BMPR1A: variants seen among roughly 807,000 people sequenced by gnomAD.
The protein encoded by BMPR1A is bone morphogenetic protein receptor type-1A.
A neutral mutation model predicts 66.0 loss-of-function variants in BMPR1A; 7 were observed. The ratio of observed to expected loss-of-function variants is 0.11; its 90% CI spans 0.06 to 0.20. The LOEUF is 0.20. Ranked by LOEUF, BMPR1A falls within the 10% of genes least tolerant of loss-of-function variation. The pLI is 1.00. For missense variants in BMPR1A, 408 were observed against 669.1 expected (o/e 0.61, Z 4.31); for synonymous variants, 200 against 229.7 (o/e 0.87, Z 1.17).
chr10:86,895,933 C>T (rs1462000211), intron 5 of BMPR1A, among the ~76,000 whole-genome samples: 3 of 152,214 alleles, frequency 2.0e-5, no homozygotes, highest in Non-Finnish European at 2.9e-5. Context: ...GCAGGTGGAT[C>T]ACCTGAGGTC....
chr10:86,790,180 AAAAAAAAAATATATATATATATAT>A lies in BMPR1A; in HGVS notation c.-268+33263_-268+33286del, dbSNP rs1841585262. On this transcript the variant is annotated intron_variant, in intron 1 of 12. Transcript: ENST00000372037. ...CTGTCTCCAAAAAAAAAAAAAAAAA[AAAAAAAAAATATATATATATATAT>A]ATATATATATATATATATATATATA... Among the ~76,000 whole-genome samples the A allele has an allele frequency of 1.1e-4, 5 of 43,616 alleles. 1 individual carries two copies. The highest frequency in any genetic ancestry group is 1.5e-3 in the South Asian group (2 of 1,316). 28.6% of individuals were successfully genotyped at this position (43,616 alleles called of 152,430 possible). A position where few individuals can be genotyped will look rare whatever the true frequency, so the allele number is the denominator to read the frequency against.
intron 2 of BMPR1A, chr10:86,855,127 T>C: frequency 6.1e-6 from 2 of 325,950 alleles, no homozygotes; most frequent in Non-Finnish European, 1.1e-5. Flanking sequence ...GAGACAGGGT[T>C]TCACATCAGG....
chr10:86,919,637 ACTT>A (rs1843631493), intron 10 of BMPR1A, among the ~76,000 whole-genome samples, 168 bp downstream of exon 10: 2 of 151,260 alleles, frequency 1.3e-5, no homozygotes, highest in African/African-American at 4.9e-5. Flanking sequence ...ATTGTGTCCT[ACTT>A]CTCCTATACA....
At chr10:86,846,608 G>A (rs1407131743) in intron 2 of BMPR1A, among the ~76,000 whole-genome samples, 3 of 152,106 alleles carry the variant, frequency 2.0e-5, no homozygotes, top group Non-Finnish European at 4.4e-5. Flanking sequence ...GGCTGAGGCA[G>A]GAGAATGGCA....
intron 1 of BMPR1A, among the ~76,000 whole-genome samples, chr10:86,807,038 A>T (rs900325257): frequency 6.6e-6 from 1 of 152,038 alleles, no homozygotes; most frequent in Non-Finnish European, 1.5e-5. Context: ...CCATCCCCAG[A>T]ATCAGTCATG....
At chr10:86,780,668 C>T (rs1467420016) in intron 1 of BMPR1A, among the ~76,000 whole-genome samples, 1 of 151,612 alleles carries the variant, frequency 6.6e-6, no homozygotes, top group African/African-American at 2.4e-5. Context: ...TTCCTGACCT[C>T]ATGATCCTCC....
At chr10:86,894,562 C>A (rs138709964) in intron 5 of BMPR1A, among the ~76,000 whole-genome samples, 7 of 152,286 alleles carry the variant, frequency 4.6e-5, no homozygotes, top group Admixed American at 4.6e-4. Context: ...CAGTGTTCAA[C>A]AGGCCCCTAG....
intron 2 of BMPR1A, among the ~76,000 whole-genome samples, chr10:86,850,307 C>T (rs1021124800): frequency 6.8e-6 from 1 of 147,694 alleles, no homozygotes; most frequent in Non-Finnish European, 1.5e-5. Context: ...GGTGACAGAG[C>T]GGACTCCATT....
At chr10:86,918,880 C>T (rs1222703878) in intron 9 of BMPR1A, among the ~76,000 whole-genome samples, 1 of 152,124 alleles carries the variant, frequency 6.6e-6, no homozygotes, top group Non-Finnish European at 1.5e-5. Flanking sequence ...GCCTTGGCCT[C>T]CCAAAGTGAT....
chr10:86,898,742 T>C (rs141121182), intron 5 of BMPR1A, among the ~76,000 whole-genome samples: 3 of 152,330 alleles, frequency 2.0e-5, no homozygotes, highest in East Asian at 1.9e-4. Context: ...TGGAACCGTT[T>C]TTGGATGCTT....
At chr10:86,889,909 T>C (rs181286683) in intron 3 of BMPR1A, among the ~76,000 whole-genome samples, 153 bp from the exon 4 acceptor site, 1 of 152,228 alleles carries the variant, frequency 6.6e-6, no homozygotes, top group Admixed American at 6.5e-5. Context: ...GTATGTCTGT[T>C]TGTTGTATGA....
intron 1 of BMPR1A, among the ~76,000 whole-genome samples, chr10:86,795,427 T>A (rs200656688): frequency 6.9e-6 from 1 of 145,382 alleles, no homozygotes; most frequent in Non-Finnish European, 1.5e-5. Context: ...TTTTTTTTTT[T>A]TCCTAACGCT....
At chr10:86,911,284 TA>T (rs1240193860) in intron 7 of BMPR1A, among the ~76,000 whole-genome samples, 5 of 152,112 alleles carry the variant, frequency 3.3e-5, no homozygotes, top group African/African-American at 1.2e-4. Flanking sequence ...CACTAAAATT[TA>T]AAAACTGACA....
intron 1 of BMPR1A, among the ~76,000 whole-genome samples, chr10:86,826,434 A>ACACACACACACACACACC (rs1842196659): frequency 3.3e-5 from 5 of 151,798 alleles, no homozygotes; most frequent in Non-Finnish European, 7.4e-5. Context: ...ACACACACAC[A>ACACACACACACACACACC]CACACACCCG....
intron 8 of BMPR1A, 59 bp downstream of exon 8, chr10:86,912,443 A>T: frequency 6.4e-7 from 1 of 1,570,032 alleles, no homozygotes; most frequent in African/African-American, 1.3e-5. Context: ...TGTCCTCATG[A>T]TGGTGGACAG....
intron 1 of BMPR1A, among the ~76,000 whole-genome samples, chr10:86,806,434 C>T (rs1841890039): frequency 6.6e-6 from 1 of 152,160 alleles, no homozygotes; most frequent in Non-Finnish European, 1.5e-5. Flanking sequence ...ACTAGTTCTA[C>T]ATTTATCATT....
At chr10:86,870,025 ATATT>A (rs750935529) in intron 2 of BMPR1A, among the ~76,000 whole-genome samples, 3 of 152,108 alleles carry the variant, frequency 2.0e-5, no homozygotes, top group Non-Finnish European at 2.9e-5. Flanking sequence ...AAAATTATTT[ATATT>A]TATTATTTTA....
At chr10:86,813,204 T>C (rs1841993474) in intron 1 of BMPR1A, among the ~76,000 whole-genome samples, 1 of 152,224 alleles carries the variant, frequency 6.6e-6, no homozygotes, top group African/African-American at 2.4e-5. Flanking sequence ...ATTGTTCGTT[T>C]TTGGCCAAGG....
chr10:86,811,761 G>A (rs1018966012), intron 1 of BMPR1A, among the ~76,000 whole-genome samples: 1 of 152,144 alleles, frequency 6.6e-6, no homozygotes, highest in Non-Finnish European at 1.5e-5. Flanking sequence ...ATTGGGGTTT[G>A]CAAATGTATG....
Sources: allele counts gnomAD v4.1 joint callset (sites outside exome capture counted in the v4.1 genomes callset), GRCh38; gene constraint gnomAD v4.1.1; transcripts MANE v1.5; gene names NCBI Gene and HGNC (gene_info 2026-07-23, HGNC 2026-07-21).